The following ARHGAP24 variants were observed in gnomAD, a reference collection of about 807,000 sequenced individuals.
ARHGAP24 encodes Rho GTPase activating protein 24.
A neutral mutation model predicts 76.4 loss-of-function variants in ARHGAP24; 50 were observed. That is an observed-to-expected ratio of 0.65 (90% CI 0.52 to 0.83). The LOEUF (loss-of-function observed/expected upper bound fraction) is 0.83, where lower values mean the gene tolerates loss of function less well. Ranked by LOEUF, ARHGAP24 falls within the 40% of genes least tolerant of loss-of-function variation. The pLI is 0.00. For synonymous variants in ARHGAP24, 345 were observed against 323.3 expected, an observed-to-expected ratio of 1.07 and a Z score of -0.72; for missense variants, 930 against 914.2, an observed-to-expected ratio of 1.02 and a Z score of -0.22.
At chr4:85,725,318 A>G (rs530512770) in intron 3 of ARHGAP24, among the ~76,000 whole-genome samples, 2 of 152,302 alleles carry the variant, frequency 1.3e-5, no homozygotes, top group African/African-American at 2.4e-5. Context: ...CTTGAAGTGC[A>G]TATATTTACC....
In ARHGAP24 at chr4:85,787,076, G is replaced by A. The variant is rs566837366; in HGVS notation, c.268+65104G>A. On this transcript the variant is annotated intron_variant, in intron 3 of 9. Transcript: ENST00000395184. ...TCACCCACAAATCCCAAATTTTGGGGTCCAGTATTGCTCTGGTCTTGTTAC... is the reference window on the plus strand; with the variant it reads ...TCACCCACAAATCCCAAATTTTGGGATCCAGTATTGCTCTGGTCTTGTTAC... Among the ~76,000 whole-genome samples the A allele has an allele frequency of 2.0e-4, 30 of 152,270 alleles. No homozygotes were observed. In the East Asian group the frequency reaches 3.5e-3, roughly 18 times the overall value.
At chr4:85,915,751 C>T (rs1735351112) in intron 3 of ARHGAP24, among the ~76,000 whole-genome samples, 2 of 152,236 alleles carry the variant, frequency 1.3e-5, no homozygotes, top group South Asian at 4.1e-4. Context: ...GAAATGAACT[C>T]ATCCTTTTTT....
At chr4:85,742,507 G>A (rs1044816239) in intron 3 of ARHGAP24, among the ~76,000 whole-genome samples, 1 of 152,202 alleles carries the variant, frequency 6.6e-6, no homozygotes, top group African/African-American at 2.4e-5. Context: ...GGTGAAAAGT[G>A]TGTGTACTAT....
intron 2 of ARHGAP24, among the ~76,000 whole-genome samples, chr4:85,620,963 A>C (rs146522022): frequency 1.3e-5 from 2 of 151,890 alleles, no homozygotes; most frequent in African/African-American, 4.8e-5. Context: ...CCTAGTATCT[A>C]TTGTTTTCAT....
At chr4:85,730,647 A>C (rs1725366595) in intron 3 of ARHGAP24, among the ~76,000 whole-genome samples, 1 of 152,082 alleles carries the variant, frequency 6.6e-6, no homozygotes, top group African/African-American at 2.4e-5. Context: ...GAGTACAAGC[A>C]GTCCTCCTCC....
At chr4:85,810,818 G>A (rs758221590) in intron 3 of ARHGAP24, among the ~76,000 whole-genome samples, 1 of 152,202 alleles carries the variant, frequency 6.6e-6, no homozygotes, top group African/African-American at 2.4e-5. Context: ...ATGTTGACTA[G>A]AAATTTGGGA....
intron 3 of ARHGAP24, among the ~76,000 whole-genome samples, chr4:85,907,029 C>T (rs372085247): frequency 2.6e-5 from 4 of 152,192 alleles, no homozygotes; most frequent in Non-Finnish European, 4.4e-5. Context: ...TTTTCATCTT[C>T]GTTAGAATCA....
intron 2 of ARHGAP24, among the ~76,000 whole-genome samples, chr4:85,575,452 T>C (rs900970726): frequency 2.6e-5 from 4 of 152,178 alleles, no homozygotes. Context: ...GAGGAAAAAG[T>C]GTAAAATCAT....
Position 85,475,557 on chromosome 4 carries a change from A to G in ARHGAP24, c.-23A>G, listed in dbSNP as rs1031632518. ...CCGGCATCTGTCTTGAGCTCCCAGC[A>G]AGGTAGGTGATGCGGTCGCGAGGAA... On this transcript the variant is annotated splice_region_variant and 5_prime_UTR_variant, in exon 1 of 10. Coordinates refer to ENST00000395184, the MANE Select transcript of ARHGAP24 (RefSeq NM_001025616.3). 2.1e-4 allele frequency: 32 copies of G among 151,472 alleles called. No homozygotes were observed. Among genetic ancestry groups the G allele is most frequent in the African/African-American group, 7.6e-4 (31 of 40,982 alleles). 9.4% of individuals were successfully genotyped at this position (151,472 alleles called of 1,614,324 possible). A position where few individuals can be genotyped will look rare whatever the true frequency, so the allele number is the denominator to read the frequency against.
At position 85,994,869 on chromosome 4, in the gene ARHGAP24, C is replaced by T. The variant is rs1312045991; in HGVS notation, c.1215C>T (p.Asn405=). ...GCAGCAAAACCAACAGCCCAAAGAA[C>T]AGTGTTCACAAGCTAGATGTGTCTA... ...LSGSKTNSPK[N]SVHKLDVSRS... The change falls in exon 9 of 10, where the codon AAC becomes AAT. Residue 405 remains asparagine, a synonymous_variant. Transcript: ENST00000395184. The T allele has an allele frequency of 6.2e-7, 1 of 1,614,016 alleles. No individual in the cohort carries two copies. Among genetic ancestry groups the T allele is most frequent in the Non-Finnish European group, 8.5e-7 (1 of 1,180,034 alleles).
chr4:85,880,740 AG>A (rs1257030614), intron 3 of ARHGAP24, among the ~76,000 whole-genome samples: 3 of 152,276 alleles, frequency 2.0e-5, no homozygotes, highest in African/African-American at 7.2e-5. Context: ...CGTCTTAGCC[AG>A]GATGGTCTCG....
intron 1 of ARHGAP24, among the ~76,000 whole-genome samples, chr4:85,503,071 C>T (rs1409702016): frequency 1.3e-5 from 2 of 152,204 alleles, no homozygotes; most frequent in Non-Finnish European, 2.9e-5. Context: ...ATGAAGCCGA[C>T]TTGATCGTAG....
intron 1 of ARHGAP24, among the ~76,000 whole-genome samples, chr4:85,557,952 G>C (rs1395554759): frequency 6.6e-6 from 1 of 152,082 alleles, no homozygotes; most frequent in East Asian, 1.9e-4. Flanking sequence ...AAATGTATTT[G>C]GGTTCTCTCT....
At chr4:85,973,435 C>T (rs1739109280) in intron 6 of ARHGAP24, among the ~76,000 whole-genome samples, 1 of 151,974 alleles carries the variant, frequency 6.6e-6, no homozygotes, top group South Asian at 2.1e-4. Context: ...GATATATGTC[C>T]CTTATAAATA....
chr4:85,957,367 G>A (rs1201018368), intron 5 of ARHGAP24, among the ~76,000 whole-genome samples: 1 of 152,112 alleles, frequency 6.6e-6, no homozygotes, highest in Non-Finnish European at 1.5e-5. Context: ...TAAGCACAAT[G>A]ACAAGAACAT....
intron 2 of ARHGAP24, among the ~76,000 whole-genome samples, chr4:85,670,265 T>A (rs2110001123): frequency 6.6e-6 from 1 of 152,308 alleles, no homozygotes; most frequent in Admixed American, 6.5e-5. Context: ...TCATATCCTG[T>A]CAACCTTCAG....
chr4:85,925,563 C>T (rs1735976401), intron 4 of ARHGAP24, among the ~76,000 whole-genome samples: 1 of 152,142 alleles, frequency 6.6e-6, no homozygotes, highest in Non-Finnish European at 1.5e-5. Context: ...AAAGAGAGAC[C>T]ATGTTCACAT....
intron 2 of ARHGAP24, among the ~76,000 whole-genome samples, chr4:85,608,470 A>T (rs1039005816): frequency 6.6e-6 from 1 of 151,762 alleles, no homozygotes; most frequent in Admixed American, 6.6e-5. Flanking sequence ...ACATATAAAC[A>T]TAAACAATAG....
In ARHGAP24 at chr4:85,662,433, G is replaced by C. The variant is rs1208172682; in HGVS notation, c.181-59452G>C. On this transcript the variant is annotated intron_variant, in intron 2 of 9. Coordinates refer to ENST00000395184, the MANE Select transcript of ARHGAP24 (RefSeq NM_001025616.3). ...TGGATATTATCCCTTTGTCAGATGA[G>C]TTCGTTGCGAAAATTTTCTCCCATT... Among the ~76,000 whole-genome samples, 3 of 150,920 alleles carry C rather than the reference G, an allele frequency of 2.0e-5. 1 individual carries two copies. The highest frequency in any genetic ancestry group is 5.0e-5 in the African/African-American group (2 of 40,250).
Sources: gnomAD v4.1 joint callset for allele counts (sites outside exome capture counted in the v4.1 genomes callset) on GRCh38, gnomAD v4.1.1 for gene constraint, MANE v1.5 for transcripts, NCBI Gene and HGNC (gene_info 2026-07-23, HGNC 2026-07-21) for gene names.